CTNNA3: variants seen among roughly 807,000 people sequenced by gnomAD.
The protein encoded by CTNNA3 is catenin alpha 3, also known as catenin alpha-3.
In CTNNA3, 76 loss-of-function variants were observed where a neutral mutation model predicts 95.7. The observed-to-expected ratio is 0.79, with a 90% confidence interval of 0.66 to 0.96. CTNNA3 has a LOEUF of 0.96. Among genes scored for constraint, CTNNA3 ranks in the 40% least tolerant of loss-of-function variants. The probability of loss-of-function intolerance (pLI) is 0.00; values close to 1 mark genes in which losing one functional copy is unlikely to be tolerated. For missense variants in CTNNA3, 1,191 were observed against 1,089.8 expected (o/e 1.09, Z -1.31); for synonymous variants, 431 against 374.4 (o/e 1.15, Z -1.74).
rs888421470 is a variant in CTNNA3, at chr10:67,128,459, CA to C, written c.1047+51857del. Among the ~76,000 whole-genome samples the C allele has an allele frequency of 1.4e-4, 21 of 151,410 alleles. 1 individual carries two copies. The South Asian group carries it at 3.8e-3, about 27-fold the overall frequency. On this transcript the variant is annotated intron_variant, in intron 7 of 17. Transcript: ENST00000433211. ...GATCCTTTTTTTTTTAAAGAATAAC[CA>C]TGAAATATTCTTCCCCAGGTTAACA...
At chr10:67,211,589 C>T (rs1268439659) in intron 6 of CTNNA3, among the ~76,000 whole-genome samples, 2 of 152,116 alleles carry the variant, frequency 1.3e-5, no homozygotes, top group Non-Finnish European at 2.9e-5. Context: ...TTACTATGTA[C>T]CTGGCAACTT....
At chr10:67,101,703 A>G (rs10997508) in intron 7 of CTNNA3, among the ~76,000 whole-genome samples, 16,191 of 151,756 alleles carry the variant, frequency 0.11, 1,242 homozygotes, top group Non-Finnish European at 0.17. Flanking sequence ...TTGAACTCAG[A>G]TCTCTCTGAC....
intron 9 of CTNNA3, among the ~76,000 whole-genome samples, chr10:66,628,454 G>A (rs532871749): frequency 2.6e-5 from 4 of 152,184 alleles, no homozygotes; most frequent in South Asian, 2.1e-4. Flanking sequence ...TAACTGCCCC[G>A]AGTGGATTTC....
chr10:67,758,091 T>C (rs1358309421), intron 1 of CTNNA3, among the ~76,000 whole-genome samples: 2 of 152,006 alleles, frequency 1.3e-5, no homozygotes, highest in Middle Eastern at 3.2e-3. Context: ...TTTTCTCTCT[T>C]TTATTGAGCT....
intron 13 of CTNNA3, among the ~76,000 whole-genome samples, chr10:66,205,202 G>A (rs537961074): frequency 6.6e-6 from 1 of 151,892 alleles, no homozygotes; most frequent in Non-Finnish European, 1.5e-5. Flanking sequence ...CTATAGTACA[G>A]TAAGTCCTTA....
chr10:66,066,132 G>A (rs1014249542), intron 15 of CTNNA3, among the ~76,000 whole-genome samples: 1 of 151,836 alleles, frequency 6.6e-6, no homozygotes, highest in Non-Finnish European at 1.5e-5. Flanking sequence ...CAAAGTGCTG[G>A]GATTACAGGC....
At chr10:66,421,155 G>A (rs905206834) in intron 11 of CTNNA3, among the ~76,000 whole-genome samples, 1 of 151,852 alleles carries the variant, frequency 6.6e-6, no homozygotes, top group Non-Finnish European at 1.5e-5. Context: ...CCCAGGCACA[G>A]AAAGACAAAT....
At chr10:66,135,510 T>C (rs997500320) in intron 13 of CTNNA3, among the ~76,000 whole-genome samples, 1 of 137,992 alleles carries the variant, frequency 7.2e-6, no homozygotes, top group African/African-American at 2.8e-5. Flanking sequence ...CTTTTCTTTG[T>C]AGAAAAATCA....
chr10:66,687,599 G>T (rs1589125665), intron 9 of CTNNA3, among the ~76,000 whole-genome samples: 1 of 152,092 alleles, frequency 6.6e-6, no homozygotes, highest in African/African-American at 2.4e-5. Context: ...AAATGAAGAA[G>T]CCTGAGGAGA....
At chr10:66,900,883 A>G (rs1845712615) in intron 7 of CTNNA3, among the ~76,000 whole-genome samples, 1 of 152,242 alleles carries the variant, frequency 6.6e-6, no homozygotes, top group Non-Finnish European at 1.5e-5. Context: ...CTATGTGAAA[A>G]GACCAAATCT....
chr10:67,264,243 C>T (rs948804190), intron 5 of CTNNA3, among the ~76,000 whole-genome samples: 2 of 152,086 alleles, frequency 1.3e-5, no homozygotes, highest in East Asian at 1.9e-4. Context: ...AAAGCCCTGG[C>T]GGTAGGAAGG....
chr10:66,279,724 C>A (rs966647300), intron 13 of CTNNA3, among the ~76,000 whole-genome samples: 4 of 152,070 alleles, frequency 2.6e-5, no homozygotes, highest in Non-Finnish European at 4.4e-5. Flanking sequence ...CTTAAATAGA[C>A]TATTGATAAC....
chr10:67,757,127 A>G (rs1197233108), intron 1 of CTNNA3, among the ~76,000 whole-genome samples: 1 of 152,258 alleles, frequency 6.6e-6, no homozygotes, highest in African/African-American at 2.4e-5. Flanking sequence ...TCTGACAGAA[A>G]CATGGAATAG....
intron 10 of CTNNA3, among the ~76,000 whole-genome samples, chr10:66,572,848 A>G (rs74143418): frequency 0.011 from 1,610 of 152,248 alleles, 32 homozygotes; most frequent in African/African-American, 0.037. Flanking sequence ...ATGCTTTACC[A>G]TCATCTGCCA....
chr10:65,962,845 T>C (rs757471960), intron 17 of CTNNA3, among the ~76,000 whole-genome samples: 1 of 152,160 alleles, frequency 6.6e-6, no homozygotes, highest in African/African-American at 2.4e-5. Context: ...CTGAGAATGA[T>C]GGTTTCCAGC....
At chr10:67,646,186 CTT>C (rs57780349) in intron 2 of CTNNA3, among the ~76,000 whole-genome samples, 26 of 134,592 alleles carry the variant, frequency 1.9e-4, no homozygotes, top group African/African-American at 3.5e-4. Flanking sequence ...GTTTTTCTTT[CTT>C]TTTTTTTTTT....
intron 1 of CTNNA3, among the ~76,000 whole-genome samples, chr10:67,720,844 C>T (rs866171113): frequency 1.3e-5 from 2 of 152,082 alleles, no homozygotes; most frequent in Non-Finnish European, 2.9e-5. Flanking sequence ...GTCCCAGCTA[C>T]ACGGGAGGCT....
At chr10:66,705,037 C>T (rs1462305918) in intron 9 of CTNNA3, among the ~76,000 whole-genome samples, 1 of 151,974 alleles carries the variant, frequency 6.6e-6, no homozygotes, top group African/African-American at 2.4e-5. Context: ...ATTTTATAGA[C>T]CCCTCTTATC....
intron 4 of CTNNA3, among the ~76,000 whole-genome samples, chr10:67,537,476 G>T (rs1036339792): frequency 1.1e-4 from 16 of 152,224 alleles, no homozygotes; most frequent in African/African-American, 3.8e-4. Flanking sequence ...ACTGCAAGAG[G>T]TACTTTGCTT....
Sources: gnomAD v4.1 joint callset for allele counts (sites outside exome capture counted in the v4.1 genomes callset) on GRCh38, gnomAD v4.1.1 for gene constraint, MANE v1.5 for transcripts, NCBI Gene and HGNC (gene_info 2026-07-23, HGNC 2026-07-21) for gene names.